The following WDFY3 variants were observed in gnomAD, a reference collection of about 807,000 sequenced individuals.
WDFY3 encodes the protein WD repeat and FYVE domain-containing protein 3.
A neutral mutation model predicts 409.6 loss-of-function variants in WDFY3; 66 were observed. That is an observed-to-expected ratio of 0.16 (90% CI 0.13 to 0.20). The LOEUF is 0.20. Ranked by LOEUF, WDFY3 falls within the 10% of genes least tolerant of loss-of-function variation. The probability of loss-of-function intolerance (pLI) is 1.00; values close to 1 mark genes in which losing one functional copy is unlikely to be tolerated. For synonymous variants in WDFY3, 1,521 were observed against 1,537.1 expected, an observed-to-expected ratio of 0.99 and a Z score of 0.25; for missense variants, 3,031 against 4,298.1, an observed-to-expected ratio of 0.71 and a Z score of 8.24.
intron 7 of WDFY3, among the ~76,000 whole-genome samples, chr4:84,834,913 A>T (rs1431996038): frequency 2.0e-5 from 3 of 152,196 alleles, no homozygotes; most frequent in Non-Finnish European, 4.4e-5. Context: ...TGATGAAAAC[A>T]TTAGCCTGCG....
At chr4:84,724,833 A>C (rs1220859406) in intron 45 of WDFY3, among the ~76,000 whole-genome samples, 1 of 152,200 alleles carries the variant, frequency 6.6e-6, no homozygotes, top group Non-Finnish European at 1.5e-5. Context: ...TTCCTGAAAT[A>C]ATCTCTAGCC....
intron 3 of WDFY3, among the ~76,000 whole-genome samples, chr4:84,863,225 T>C (rs1186006264): frequency 6.6e-6 from 1 of 152,230 alleles, no homozygotes; most frequent in Admixed American, 6.5e-5. Context: ...TTCATTTCCT[T>C]TGGAAATATA....
In WDFY3 at chr4:84,894,125, A is replaced by T. The variant is rs929433762; in HGVS notation, c.-32+2786T>A. Among the ~76,000 whole-genome samples, 12 of 152,370 alleles carry T rather than the reference A, an allele frequency of 7.9e-5. No individual in the cohort carries two copies. The South Asian group carries it at 1.2e-3, about 16-fold the overall frequency. On this transcript the variant is annotated intron_variant, in intron 3 of 67. Transcript: ENST00000295888. ...ATCCTTATATTCAAACTAAGGAATAACAAAAGGCAAATAAATGTCCATATT... is the reference window on the plus strand; with the variant it reads ...ATCCTTATATTCAAACTAAGGAATATCAAAAGGCAAATAAATGTCCATATT...
Position 84,831,549 on chromosome 4 carries a change from A to G in WDFY3, c.633T>C (p.Asp211=), listed in dbSNP as rs1755736565. The change falls in exon 8 of 68, where the codon GAT becomes GAC. Residue 211 remains aspartate (D), a synonymous_variant. Transcript: ENST00000295888. ...VSPAEELAQK[D]DLQLLFSAIT... is the part of the protein sequence containing the mutation. ...TTGCACTGAATAGAAGCTGGAGATC[A>G]TCTTTCTGAGCCAGCTCCTCCGCAG... 6.2e-7 allele frequency: 1 copy of G among 1,614,008 alleles called. No individual in the cohort carries two copies. The highest frequency in any genetic ancestry group is 8.5e-7 in the Non-Finnish European group (1 of 1,179,994).
At chr4:84,719,028 T>C (rs1431348306) in intron 47 of WDFY3, among the ~76,000 whole-genome samples, 5 of 152,192 alleles carry the variant, frequency 3.3e-5, no homozygotes, top group African/African-American at 1.2e-4. Context: ...GTTCTGCCAC[T>C]TTGTAGACTG....
intron 2 of WDFY3, among the ~76,000 whole-genome samples, chr4:84,910,977 C>T (rs1014928083): frequency 6.6e-6 from 1 of 151,848 alleles, no homozygotes; most frequent in African/African-American, 2.4e-5. Flanking sequence ...GCCTCGGCCT[C>T]CCAAAGTGCT....
At chr4:84,819,125 G>T (rs1578666288) in intron 12 of WDFY3, among the ~76,000 whole-genome samples, 1 of 151,934 alleles carries the variant, frequency 6.6e-6, no homozygotes. Context: ...CTTAGCATTT[G>T]CCAAATTTGT....
rs188765086 is a variant in WDFY3, at chr4:84,869,055, G to A, written c.-31-8433C>T. Among the ~76,000 whole-genome samples, 7 of 152,308 alleles carry A rather than the reference G, an allele frequency of 4.6e-5. No individual in the cohort carries two copies. The East Asian group carries it at 1.3e-3, about 29-fold the overall frequency. ...TTCTACATACGTTTGCTAACCTGTA[G>A]TTCAGGTCATTTAGCTTGGTAATCA... On this transcript the variant is annotated intron_variant, in intron 3 of 67. Transcript: ENST00000295888.
At chr4:84,829,331 A>G in intron 8 of WDFY3, 141 bp from the exon 9 acceptor site, 1 of 694,228 alleles carries the variant, frequency 1.4e-6, no homozygotes, top group South Asian at 2.8e-5. Context: ...ACACATTCTA[A>G]AAGTCAATAT....
chr4:84,889,869 A>C (rs1015263874), intron 3 of WDFY3, among the ~76,000 whole-genome samples: 5 of 152,176 alleles, frequency 3.3e-5, no homozygotes, highest in Admixed American at 3.3e-4. Context: ...ATTGGAATTA[A>C]GAAAAAAAAT....
chr4:84,920,613 C>CA (rs1001684162), intron 2 of WDFY3, among the ~76,000 whole-genome samples: 6 of 151,970 alleles, frequency 3.9e-5, no homozygotes, highest in Middle Eastern at 3.4e-3. Context: ...AAATTATTTC[C>CA]AAAAAAATCA....
chr4:84,937,423 CTGGCAAGTACTAT>C (rs1309801628), intron 1 of WDFY3, among the ~76,000 whole-genome samples: 1 of 152,152 alleles, frequency 6.6e-6, no homozygotes, highest in African/African-American at 2.4e-5. Context: ...CTCTAACCCA[CTGGCAAGTACTAT>C]TGACTTTATC....
intron 32 of WDFY3, among the ~76,000 whole-genome samples, chr4:84,760,673 G>C (rs1742398408): frequency 6.6e-6 from 1 of 151,490 alleles, no homozygotes. Flanking sequence ...ATTTTTTATT[G>C]CATCTATTTG....
chr4:84,703,627 TC>T (rs1178293534), intron 55 of WDFY3, among the ~76,000 whole-genome samples: 1 of 152,168 alleles, frequency 6.6e-6, no homozygotes, highest in Non-Finnish European at 1.5e-5. Flanking sequence ...CACAAGCTCT[TC>T]CCTCTGCCTG....
At chr4:84,877,345 C>G (rs2150364901) in intron 3 of WDFY3, among the ~76,000 whole-genome samples, 1 of 152,220 alleles carries the variant, frequency 6.6e-6, no homozygotes, top group South Asian at 2.1e-4. Flanking sequence ...TTCCAGCTTT[C>G]CTTTGTTGTT....
chr4:84,686,306 A>AAAATAAAT (rs544272576), intron 62 of WDFY3, among the ~76,000 whole-genome samples: 31 of 151,988 alleles, frequency 2.0e-4, no homozygotes, highest in Non-Finnish European at 3.7e-4. Flanking sequence ...ACTCCATCTC[A>AAAATAAAT]AAATAAATAA....
At chr4:84,748,884 CTCTT>C (rs560947612) in intron 36 of WDFY3, among the ~76,000 whole-genome samples, 1 of 151,710 alleles carries the variant, frequency 6.6e-6, no homozygotes, top group Non-Finnish European at 1.5e-5. Flanking sequence ...AATTCTCTCT[CTCTT>C]TTTTTTTTTT....
intron 3 of WDFY3, among the ~76,000 whole-genome samples, chr4:84,872,630 A>G (rs1056838252): frequency 5.3e-5 from 8 of 152,220 alleles, no homozygotes; most frequent in Non-Finnish European, 1.0e-4. Flanking sequence ...CTACTAAATC[A>G]ATAATCATTA....
At chr4:84,787,348 T>C (rs1747738549) in intron 23 of WDFY3, 134 bp downstream of exon 23, 3 of 784,452 alleles carry the variant, frequency 3.8e-6, no homozygotes. Context: ...GGAGTGAGTA[T>C]CCTGCTGAAG....
Sources: allele counts gnomAD v4.1 joint callset (sites outside exome capture counted in the v4.1 genomes callset), GRCh38; gene constraint gnomAD v4.1.1; transcripts MANE v1.5; gene names NCBI Gene and HGNC (gene_info 2026-07-23, HGNC 2026-07-21).